Variants in RNF207 observed in about 807,000 individuals in gnomAD.
The protein encoded by RNF207 is OTTHUMG00000001089.
A neutral mutation model predicts 79.0 loss-of-function variants in RNF207; 72 were observed. That is an observed-to-expected ratio of 0.91 (90% CI 0.75 to 1.11). RNF207 has a LOEUF of 1.11. Among genes scored for constraint, RNF207 ranks in the 50% least tolerant of loss-of-function variants. RNF207 has a pLI of 0.00. For missense variants in RNF207, 936 were observed against 855.8 expected (o/e 1.09, Z -1.17); for synonymous variants, 348 against 366.2 (o/e 0.95, Z 0.57).
At position 6,210,934 on chromosome 1, in the gene RNF207, G is replaced by T; in HGVS notation, c.1007G>T (p.Ser336Ile). Residue 336 changes from serine to isoleucine, a missense_variant, in exon 11 of 18, where the codon AGC becomes ATC. By Grantham distance (142) the Ser-to-Ile change is moderately radical. Transcript: ENST00000377939. ...RPHHLRPIQS[S>I]KIASDHRAEF... ...CACCACCTAAGGCCTATTCAGAGCA[G>T]CAAGGTGTGCAGTGGCCTGGGTGGG... The T allele has an allele frequency of 6.2e-7, 1 of 1,605,200 alleles. No individual in the cohort carries two copies. The highest frequency in any genetic ancestry group is 8.5e-7 in the Non-Finnish European group (1 of 1,176,602).
chr1:6,212,636 A>C, intron 14 of RNF207, 46 bp from the exon 15 acceptor site: 1 of 1,557,684 alleles, frequency 6.4e-7, no homozygotes, highest in Non-Finnish European at 8.9e-7. Context: ...CCGCCACCGT[A>C]AATTCAGCTC....
chr1:6,219,543 A>C lies in RNF207; in HGVS notation c.*136A>C, dbSNP rs1668479468. On this transcript the variant is annotated 3_prime_UTR_variant, in exon 18 of 18. Coordinates refer to ENST00000377939, the MANE Select transcript of RNF207 (RefSeq NM_207396.3). ...AGTTTCGCTCTGTTGCCCAGGCTGG[A>C]GTGTAATGGTGCAATCTCGGCTCAC... 1.7e-6 allele frequency: 1 copy of C among 603,254 alleles called. No individual in the cohort carries two copies. The highest frequency in any genetic ancestry group is 1.8e-5 in the African/African-American group (1 of 54,322). The allele number at this position is 603,254 out of a possible 1,614,324, so 37.4% of individuals were successfully genotyped here.
intron 16 of RNF207, 98 bp from the exon 17 acceptor site, chr1:6,218,191 T>C (rs924022732): frequency 1.3e-6 from 1 of 776,098 alleles, no homozygotes; most frequent in Admixed American, 2.1e-5. Flanking sequence ...GGTGGGTGCA[T>C]GAGTGGTGGC....
At chr1:6,210,089 T>G (rs1302219243) in intron 8 of RNF207, 119 bp downstream of exon 8, 4 of 1,300,048 alleles carry the variant, frequency 3.1e-6, no homozygotes, top group Non-Finnish European at 4.3e-6. Context: ...TCCTCCCAGC[T>G]AAGGAGGGCA....
chr1:6,212,273 G>T lies in RNF207; in HGVS notation c.1339G>T (p.Glu447Ter), dbSNP rs758065107. 1 of 1,613,820 alleles carries T rather than the reference G, an allele frequency of 6.2e-7. No homozygotes were observed. Among genetic ancestry groups the T allele is most frequent in the Non-Finnish European group, 8.5e-7 (1 of 1,179,936 alleles). The stretch of plus-strand genomic sequence containing the variant: ...GCAGAGCCTAAAGGACCAGGTACAG[G>T]AGCTGCACCGAGACCTCACCAAGCA... ...EMQSLKDQVQ[E>*]LHRDLTKHHS... The change falls in exon 14 of 18, where the codon GAG becomes TAG. Residue 447 changes from glutamate to a stop codon, truncating the protein, a stop_gained. Coordinates refer to ENST00000377939, the MANE Select transcript of RNF207 (RefSeq NM_207396.3). LOFTEE classifies it high-confidence loss of function.
chr1:6,212,937 G>C (rs563243964), intron 15 of RNF207, 129 bp from the exon 16 acceptor site: 3 of 777,888 alleles, frequency 3.9e-6, no homozygotes, highest in Non-Finnish European at 6.6e-6. Context: ...CCCCCACCAA[G>C]TGCCTCCCTC....
intron 15 of RNF207, 91 bp downstream of exon 15, chr1:6,212,824 G>C: frequency 9.1e-7 from 1 of 1,093,424 alleles, no homozygotes; most frequent in Non-Finnish European, 1.4e-6. Flanking sequence ...CCACTAACCA[G>C]ATGCAAATCC....
At chr1:6,213,232 G>T (rs773451356) in intron 16 of RNF207, 49 bp downstream of exon 16, 12 of 1,254,570 alleles carry the variant, frequency 9.6e-6, no homozygotes, top group African/African-American at 3.0e-5. Context: ...TTCAGAATGT[G>T]CATGGGGGCT....
Position 6,212,212 on chromosome 1 carries a change from A to C in RNF207, c.1297-19A>C. 2 of 1,605,824 alleles carry C rather than the reference A, an allele frequency of 1.2e-6. No individual in the cohort carries two copies. Among genetic ancestry groups the C allele is most frequent in the Non-Finnish European group, 1.7e-6 (2 of 1,176,250 alleles). On this transcript the variant is annotated intron_variant, in intron 13 of 17. Transcript: ENST00000377939. The stretch of plus-strand genomic sequence containing the variant: ...ACAGCCTAGGGTGACCCACGCTCTC[A>C]CACAGCCTCTCTGTGCAGCACCTGC...
rs201316620 is a variant in RNF207 at position 6,212,381 on chromosome 1, G to A, written c.1447G>A (p.Ala483Thr). 2.8e-5 allele frequency: 45 copies of A among 1,613,060 alleles called. No individual in the cohort carries two copies. Among genetic ancestry groups the A allele is most frequent in the Middle Eastern group, 3.3e-4 (2 of 6,056 alleles). Residue 483 changes from alanine to threonine, a missense_variant, in exon 14 of 18, where the codon GCC becomes ACC. Ala to Thr is a moderately conservative substitution (Grantham distance 58). Transcript: ENST00000377939. ...QLDVQIASEHASLEGMRVVFQ... is the reference protein window; with the variant it reads ...QLDVQIASEHTSLEGMRVVFQ... ...GGACGTGCAGATCGCCTCGGAGCAC[G>A]CCTCCTTAGAGGGCATGAGGGTCGT...
chr1:6,212,396 A>G lies in RNF207; in HGVS notation c.1462A>G (p.Met488Val). ...IASEHASLEG[M>V]RVVFQEIWEE... is the part of the protein sequence containing the mutation. The stretch of plus-strand genomic sequence containing the variant: ...CTCGGAGCACGCCTCCTTAGAGGGC[A>G]TGAGGGTCGTCTTCCAGGAGGTAGC... Residue 488 changes from methionine to valine, a missense_variant, in exon 14 of 18, where the codon ATG becomes GTG. Met to Val is a conservative substitution (Grantham distance 21). Transcript: ENST00000377939. 1 of 1,611,078 alleles carries G rather than the reference A, an allele frequency of 6.2e-7. No homozygotes were observed. Among genetic ancestry groups the G allele is most frequent in the Non-Finnish European group, 8.5e-7 (1 of 1,178,726 alleles).
chr1:6,210,207 AG>A lies in RNF207; in HGVS notation c.801-15del. 6.2e-7 allele frequency: 1 copy of A among 1,608,004 alleles called. No individual in the cohort carries two copies. Among genetic ancestry groups the A allele is most frequent in the South Asian group, 1.1e-5 (1 of 90,776 alleles). On this transcript the variant is annotated splice_polypyrimidine_tract_variant and intron_variant, in intron 8 of 17. Transcript: ENST00000377939. Reference sequence around the variant, plus strand: ...GCTCCTGGCCCCCTGGAAACCAGGCAGCCCCCCTCCCCCAGCCAATACGAAG... The same window carrying A: ...GCTCCTGGCCCCCTGGAAACCAGGCACCCCCCTCCCCCAGCCAATACGAAG...
intron 13 of RNF207, 51 bp downstream of exon 13, chr1:6,212,104 C>T: frequency 1.3e-6 from 2 of 1,551,516 alleles, no homozygotes; most frequent in Non-Finnish European, 1.8e-6. Flanking sequence ...ACCCACTCCT[C>T]ACCAAGGTAC....
chr1:6,211,042 G>A lies in RNF207; in HGVS notation c.1033G>A (p.Glu345Lys). ...SSKIASDHRA[E>K]FARCLEPLLL... is the part of the protein sequence containing the mutation. ...CCAGATTGCCAGTGACCACCGAGCT[G>A]AATTCGCGCGCTGTCTGGAGCCACT... The change falls in exon 12 of 18, where the codon GAA becomes AAA. Residue 345 changes from glutamate to lysine, a missense_variant. Glu to Lys is a moderately conservative substitution (Grantham distance 56). Transcript: ENST00000377939. This position sits in a 1 kb window ranked among gnomAD's most constrained non-coding sequence, Gnocchi z 4.2. 1 of 1,609,332 alleles carries A rather than the reference G, an allele frequency of 6.2e-7. No homozygotes were observed. The highest frequency in any genetic ancestry group is 1.1e-5 in the South Asian group (1 of 90,562).
intron 1 of RNF207, 79 bp from the exon 2 acceptor site, chr1:6,206,457 G>T: frequency 9.1e-7 from 1 of 1,104,684 alleles, no homozygotes; most frequent in South Asian, 1.6e-5. Flanking sequence ...GAGGGCGCGG[G>T]CGCCCGGGCA....
rs1668476391 is a variant in RNF207, at chr1:6,219,450, C to T, written c.*43C>T. ...CAGGGTCAGGCTCTTAGAGCAGGCA[C>T]AAGACTGGGACACTGGACAGAAGGT... On this transcript the variant is annotated 3_prime_UTR_variant, in exon 18 of 18. Transcript: ENST00000377939. The T allele has an allele frequency of 7.0e-7, 1 of 1,434,422 alleles. No individual in the cohort carries two copies. The highest frequency in any genetic ancestry group is 1.3e-5 in the South Asian group (1 of 78,544). The allele number at this position is 1,434,422 out of a possible 1,614,324, so 88.9% of individuals were successfully genotyped here.
rs368298309 is a variant in RNF207, at chr1:6,218,363, C to G, written c.1727C>G (p.Ser576Ter). 2.6e-5 allele frequency: 42 copies of G among 1,612,190 alleles called. No homozygotes were observed. The highest frequency in any genetic ancestry group is 3.4e-5 in the Non-Finnish European group (40 of 1,178,420). Residue 576 changes from serine to a stop codon, truncating the protein, a stop_gained, in exon 17 of 18, where the codon TCA becomes TGA. Transcript: ENST00000377939. LOFTEE classifies it low-confidence loss of function (END_TRUNC). ...THDDSRNNAASARNNPGSVPE... is the reference protein window; with the variant it reads ...THDDSRNNAA ...GACGACAGCAGGAACAACGCGGCCTCAGCCAGGTAAAGCAAGTCTCTCCAC... is the reference window on the plus strand; with the variant it reads ...GACGACAGCAGGAACAACGCGGCCTGAGCCAGGTAAAGCAAGTCTCTCCAC...
In RNF207 at chr1:6,206,549, T is replaced by TC; in HGVS notation, c.15dup (p.Phe6LeufsTer97). 1 of 1,583,846 alleles carries TC rather than the reference T, an allele frequency of 6.3e-7. No individual in the cohort carries two copies. Among genetic ancestry groups the TC allele is most frequent in the Non-Finnish European group, 8.5e-7 (1 of 1,172,908 alleles). ...CTGTCGCTGCAGATGTCGGGAGCTA[T>TC]CTTCGGGCCCCTGGAGGGCCCGAGC... On this transcript the variant is annotated frameshift_variant, in exon 2 of 18. Coordinates refer to ENST00000377939, the MANE Select transcript of RNF207 (RefSeq NM_207396.3). LOFTEE classifies it high-confidence loss of function.
chr1:6,207,576 G>A lies in RNF207; in HGVS notation c.324+65G>A. 1 of 1,514,622 alleles carries A rather than the reference G, an allele frequency of 6.6e-7. No homozygotes were observed. The highest frequency in any genetic ancestry group is 1.2e-5 in the South Asian group (1 of 84,226). The allele number at this position is 1,514,622 out of a possible 1,614,324, so 93.8% of individuals were successfully genotyped here. On this transcript the variant is annotated intron_variant, in intron 3 of 17. Transcript: ENST00000377939. This position sits in a 1 kb window ranked among gnomAD's most constrained non-coding sequence, Gnocchi z 4.5. ...CCCGGTTGCACAGTCCCCAATGCTT[G>A]CACATGCACTCAGCATGTCTTCAGA...
Sources: allele counts gnomAD v4.1 joint callset, GRCh38; gene constraint gnomAD v4.1.1; non-coding constraint Gnocchi (gnomAD v3.1); transcripts MANE v1.5; gene names NCBI Gene and HGNC (gene_info 2026-07-23, HGNC 2026-07-21).